Variants in POU2F1 observed in about 807,000 individuals in gnomAD.
POU2F1 encodes the protein POU domain, class 2, transcription factor 1.
In POU2F1, 16 loss-of-function variants were observed where a neutral mutation model predicts 84.9. The observed-to-expected ratio is 0.19, with a 90% confidence interval of 0.13 to 0.29. POU2F1 has a LOEUF of 0.29. Ranked by LOEUF, POU2F1 falls within the 10% of genes least tolerant of loss-of-function variation. The pLI is 1.00. For missense variants in POU2F1, 738 were observed against 942.6 expected (o/e 0.78, Z 2.84); for synonymous variants, 368 against 368.3 (o/e 1.00, Z 0.01).
At chr1:167,365,674 GCC>G in intron 3 of POU2F1, 107 bp downstream of exon 3, 2 of 743,008 alleles carry the variant, frequency 2.7e-6, no homozygotes, top group Non-Finnish European at 4.2e-6. Flanking sequence ...ATTATTTAAA[GCC>G]TAGTGCTAAT....
intron 1 of POU2F1, among the ~76,000 whole-genome samples, chr1:167,313,626 C>T (rs950067698): frequency 6.6e-6 from 1 of 152,046 alleles, no homozygotes; most frequent in Non-Finnish European, 1.5e-5. Flanking sequence ...AGAAACTCAA[C>T]CTAAACCTCA....
intron 15 of POU2F1, among the ~76,000 whole-genome samples, chr1:167,414,872 G>A (rs1461774248): frequency 1.3e-5 from 2 of 152,292 alleles, no homozygotes; most frequent in South Asian, 2.1e-4. Context: ...TTTTCATCTT[G>A]TATATCATAA....
At chr1:167,298,841 C>T (rs1389083081) in intron 1 of POU2F1, among the ~76,000 whole-genome samples, 2 of 152,088 alleles carry the variant, frequency 1.3e-5, no homozygotes, top group Non-Finnish European at 2.9e-5. Flanking sequence ...AGTAGCTCAT[C>T]AGTTTCTTCG....
chr1:167,411,147 C>T (rs1649937639), intron 13 of POU2F1, among the ~76,000 whole-genome samples: 1 of 151,790 alleles, frequency 6.6e-6, no homozygotes, highest in Non-Finnish European at 1.5e-5. Flanking sequence ...TCAAGCGATT[C>T]TCCTGCCTTA....
chr1:167,397,055 A>C (rs1571439292), intron 10 of POU2F1, among the ~76,000 whole-genome samples: 1 of 152,184 alleles, frequency 6.6e-6, no homozygotes, highest in African/African-American at 2.4e-5. Flanking sequence ...ATCCTTGGAC[A>C]GTTTTATTCA....
At chr1:167,223,157 G>A (rs1648365078) in intron 1 of POU2F1, among the ~76,000 whole-genome samples, 1 of 152,078 alleles carries the variant, frequency 6.6e-6, no homozygotes, top group Non-Finnish European at 1.5e-5. Context: ...AAAAAATGGG[G>A]TTATGTTTTC....
intron 1 of POU2F1, among the ~76,000 whole-genome samples, chr1:167,268,106 G>A (rs1034767510): frequency 1.3e-5 from 2 of 152,020 alleles, no homozygotes; most frequent in African/African-American, 4.8e-5. Context: ...TCTGCTTGTA[G>A]AATGTTATCT....
Position 167,417,717 on chromosome 1 carries a change from A to G in POU2F1, c.*1907A>G, listed in dbSNP as rs938845395. 6.6e-6 allele frequency: 1 copy of G among 151,996 alleles called. No homozygotes were observed. Among genetic ancestry groups the G allele is most frequent in the Non-Finnish European group, 1.5e-5 (1 of 68,000 alleles). The allele number at this position is 151,996 out of a possible 1,614,324, so 9.4% of individuals were successfully genotyped here. A position where few individuals can be genotyped will look rare whatever the true frequency, so the allele number is the denominator to read the frequency against. On this transcript the variant is annotated 3_prime_UTR_variant, in exon 16 of 16. Coordinates refer to ENST00000367866, the MANE Select transcript of POU2F1 (RefSeq NM_002697.4). ...TAGAGAGAACTTACAGGTGATTTTT[A>G]TTCTGATTGCTTTTGTTTGTGTCCA... is the stretch of plus-strand genomic sequence containing the variant.
intron 10 of POU2F1, 64 bp from the exon 11 acceptor site, chr1:167,397,930 A>G: frequency 6.7e-7 from 1 of 1,489,254 alleles, no homozygotes; most frequent in East Asian, 2.3e-5. Context: ...GTTAATATGC[A>G]TATTATGCAC....
intron 1 of POU2F1, among the ~76,000 whole-genome samples, chr1:167,222,204 C>T (rs925866811): frequency 1.3e-5 from 2 of 152,196 alleles, no homozygotes; most frequent in African/African-American, 4.8e-5. Flanking sequence ...GATTTCCTCT[C>T]TCCTGTTGGG....
intron 1 of POU2F1, among the ~76,000 whole-genome samples, chr1:167,300,656 G>C (rs1453910844): frequency 6.6e-6 from 1 of 152,092 alleles, no homozygotes; most frequent in Non-Finnish European, 1.5e-5. Flanking sequence ...GTGGAGACGA[G>C]TTTTCACCAC....
chr1:167,235,163 G>A (rs747219191), intron 1 of POU2F1, among the ~76,000 whole-genome samples: 1 of 152,154 alleles, frequency 6.6e-6, no homozygotes, highest in Non-Finnish European at 1.5e-5. Flanking sequence ...ACCTTGTTGA[G>A]TTGTTAATGC....
chr1:167,383,223 G>C lies in POU2F1; in HGVS notation c.719-634G>C, dbSNP rs61361356. Among the ~76,000 whole-genome samples, 779 of 152,144 alleles carry C rather than the reference G, an allele frequency of 5.1e-3. 7 individuals carry two copies. The highest frequency in any genetic ancestry group is 0.018 in the African/African-American group (735 of 41,496). On this transcript the variant is annotated intron_variant, in intron 7 of 15. Coordinates refer to ENST00000367866, the MANE Select transcript of POU2F1 (RefSeq NM_002697.4). ...AATACAGACATTCTGGGTTGGTCCT[G>C]TCTATCAGTTTCTGAAAATAAAAAG...
At chr1:167,393,985 A>G (rs1375840306) in intron 9 of POU2F1, among the ~76,000 whole-genome samples, 1 of 76,782 alleles carries the variant, frequency 1.3e-5, no homozygotes. Context: ...ATGAAGTAAC[A>G]TTTTATTTTA....
chr1:167,268,308 A>C (rs1465794150), intron 1 of POU2F1, among the ~76,000 whole-genome samples: 2 of 152,182 alleles, frequency 1.3e-5, no homozygotes, highest in Non-Finnish European at 2.9e-5. Flanking sequence ...CAACTCCCTT[A>C]AAATTCCAAA....
chr1:167,236,036 C>T (rs1265031753), intron 1 of POU2F1, among the ~76,000 whole-genome samples: 1 of 151,914 alleles, frequency 6.6e-6, no homozygotes, highest in East Asian at 1.9e-4. Context: ...AACTATTAGT[C>T]TTTTAAATTT....
chr1:167,335,397 C>T (rs1657379473), intron 2 of POU2F1, among the ~76,000 whole-genome samples: 1 of 151,876 alleles, frequency 6.6e-6, no homozygotes, highest in Non-Finnish European at 1.5e-5. Context: ...GTGGAAGGAC[C>T]CATCAGGGAG....
chr1:167,299,533 G>A (rs1488790593), intron 1 of POU2F1, among the ~76,000 whole-genome samples: 4 of 152,236 alleles, frequency 2.6e-5, no homozygotes, highest in African/African-American at 4.8e-5. Flanking sequence ...AATGTTCTAC[G>A]TGCAAGGACC....
intron 1 of POU2F1, among the ~76,000 whole-genome samples, chr1:167,235,514 T>A (rs1415886633): frequency 6.6e-6 from 1 of 152,180 alleles, no homozygotes; most frequent in East Asian, 1.9e-4. Flanking sequence ...AATCACATCT[T>A]AGTAGTTACA....
Sources: allele counts gnomAD v4.1 joint callset (sites outside exome capture counted in the v4.1 genomes callset), GRCh38; gene constraint gnomAD v4.1.1; transcripts MANE v1.5; gene names NCBI Gene and HGNC (gene_info 2026-07-23, HGNC 2026-07-21).